The following ZC3H12B variants were observed in gnomAD, a reference collection of about 807,000 sequenced individuals.
ZC3H12B encodes probable ribonuclease ZC3H12B.
A neutral mutation model predicts 43.9 loss-of-function variants in ZC3H12B; 7 were observed. The ratio of observed to expected loss-of-function variants is 0.16; its 90% CI spans 0.09 to 0.30. ZC3H12B has a LOEUF of 0.30. ZC3H12B is among the 10% of genes least tolerant of loss of function. ZC3H12B has a pLI of 1.00. For synonymous variants in ZC3H12B, 222 were observed against 241.7 expected (o/e 0.92, Z 0.76); for missense variants, 475 against 670.2 (o/e 0.71, Z 3.22).
the ZC3H12B span, among the ~76,000 whole-genome samples, chrX:65,142,615 G>T: frequency 8.9e-6 from 1 of 112,433 alleles, no homozygotes; most frequent in Non-Finnish European, 1.9e-5. Flanking sequence ...CTATCTTCCA[G>T]AATTTTTACA....
At chrX:65,124,786 G>A in the ZC3H12B span, among the ~76,000 whole-genome samples, 3 of 110,657 alleles carry the variant, frequency 2.7e-5, no homozygotes, top group Non-Finnish European at 5.7e-5. Flanking sequence ...GGTGTTAATA[G>A]TAGCCTTCAA....
At chrX:65,128,961 G>A in the ZC3H12B span, among the ~76,000 whole-genome samples, 4 of 110,764 alleles carry the variant, frequency 3.6e-5, no homozygotes, top group African/African-American at 1.3e-4. Context: ...CCTGTAGGTG[G>A]CATATTGTTA....
chrX:65,445,775 A>T (rs1049083247), intron 3 of ZC3H12B, among the ~76,000 whole-genome samples: 4 of 112,570 alleles, frequency 3.6e-5, no homozygotes, highest in Non-Finnish European at 7.5e-5. Flanking sequence ...TGGGTCTAGA[A>T]ATGCTGTCTG....
the ZC3H12B span, among the ~76,000 whole-genome samples, chrX:65,189,520 T>A: frequency 1.8e-5 from 2 of 108,887 alleles, no homozygotes; most frequent in Non-Finnish European, 3.8e-5. Flanking sequence ...CTCATAGTGG[T>A]TTTGATTTGC....
chrX:65,229,386 A>C, the ZC3H12B span, among the ~76,000 whole-genome samples: 2 of 109,125 alleles, frequency 1.8e-5, no homozygotes, highest in East Asian at 5.8e-4. Flanking sequence ...AATCAATTCA[A>C]GATGGATTAA....
At chrX:65,080,833 A>G in the ZC3H12B span, among the ~76,000 whole-genome samples, 1 of 112,007 alleles carries the variant, frequency 8.9e-6, no homozygotes, top group East Asian at 2.8e-4. Context: ...ACAGAATATT[A>G]TAACATGTCA....
the ZC3H12B span, among the ~76,000 whole-genome samples, chrX:65,155,358 G>A: frequency 9.1e-6 from 1 of 110,306 alleles, no homozygotes; most frequent in African/African-American, 3.3e-5. Flanking sequence ...CCCGTGCTTT[G>A]ATCTGCTAAT....
At chrX:65,302,588 AT>A in the ZC3H12B span, among the ~76,000 whole-genome samples, 1 of 112,130 alleles carries the variant, frequency 8.9e-6, no homozygotes, top group Non-Finnish European at 1.9e-5. Flanking sequence ...TTCATTGCAA[AT>A]TATTCTATAG....
chrX:65,220,390 T>A, the ZC3H12B span, among the ~76,000 whole-genome samples: 1 of 111,695 alleles, frequency 9.0e-6, no homozygotes, highest in African/African-American at 3.2e-5. Flanking sequence ...CCTAAATGCT[T>A]CACTTAAAAG....
rs766217215 is a variant in ZC3H12B, at chrX:65,373,756, G to C, written n.295+4758G>C. ...GGGCCTGTTGTGGGGTGGTGGGAGG[G>C]GGGAGGGATAGCATTAGGAGATATA... On this transcript the variant is annotated intron_variant and non_coding_transcript_variant, in intron 2 of 5. Coordinates refer to the ZC3H12B transcript ENST00000617377. Among the ~76,000 whole-genome samples, 539 of 91,968 alleles carry C rather than the reference G, an allele frequency of 5.9e-3. 5 individuals carry two copies. Among genetic ancestry groups the C allele is most frequent in the Middle Eastern group, 0.011 (2 of 181 alleles). 79.9% of individuals were successfully genotyped at this position (91,968 alleles called of 115,157 possible). A position where few individuals can be genotyped will look rare whatever the true frequency, so the allele number is the denominator to read the frequency against.
chrX:65,172,801 A>G, the ZC3H12B span, among the ~76,000 whole-genome samples: 1 of 112,043 alleles, frequency 8.9e-6, no homozygotes. Context: ...TTTTGGTACG[A>G]GTAGCATGCT....
the ZC3H12B span, among the ~76,000 whole-genome samples, chrX:65,346,854 A>G: frequency 3.7e-4 from 41 of 112,210 alleles, no homozygotes; most frequent in East Asian, 7.9e-3. Context: ...CACCTGGGGA[A>G]TGGGGCGGCT....
At chrX:65,344,950 A>G in the ZC3H12B span, among the ~76,000 whole-genome samples, 2 of 112,538 alleles carry the variant, frequency 1.8e-5, no homozygotes, top group South Asian at 7.4e-4. Context: ...CATATGAGGA[A>G]AAGCTCAACA....
chrX:65,410,068 C>G (rs1259124529), intron 3 of ZC3H12B, among the ~76,000 whole-genome samples: 1 of 98,445 alleles, frequency 1.0e-5, no homozygotes, highest in Admixed American at 1.2e-4. Context: ...TATTACAGAG[C>G]TATAGTAATC....
intron 3 of ZC3H12B, among the ~76,000 whole-genome samples, chrX:65,412,151 A>G (rs2066911213): frequency 9.0e-6 from 1 of 111,041 alleles, no homozygotes; most frequent in African/African-American, 3.3e-5. Context: ...TCAATTCCCC[A>G]ATGCCCTTAG....
At chrX:65,442,923 G>C (rs746939076) in intron 3 of ZC3H12B, among the ~76,000 whole-genome samples, 2 of 110,964 alleles carry the variant, frequency 1.8e-5, no homozygotes, top group Non-Finnish European at 3.8e-5. Flanking sequence ...GCCATCGCTC[G>C]AGGCGCTGCT....
the ZC3H12B span, among the ~76,000 whole-genome samples, chrX:65,201,247 G>A: frequency 9.0e-6 from 1 of 110,995 alleles, no homozygotes; most frequent in Non-Finnish European, 1.9e-5. Flanking sequence ...GTCTATTTAG[G>A]GATTCAATCT....
At position 65,454,991 on chromosome X, in the gene ZC3H12B, C is replaced by A. The variant is rs1437518945; in HGVS notation, n.408-33655C>A. The stretch of plus-strand genomic sequence containing the variant: ...AACCCCACCTGTACATTACCATCAT[C>A]AAAGACCAAAGTAGATAAAACCACA... On this transcript the variant is annotated intron_variant and non_coding_transcript_variant, in intron 3 of 5. Coordinates refer to the ZC3H12B transcript ENST00000617377. Among the ~76,000 whole-genome samples, 3 of 111,781 alleles carry A rather than the reference C, an allele frequency of 2.7e-5. No homozygotes were observed. In the Admixed American group the frequency reaches 2.9e-4, roughly 11 times the overall value.
intron 3 of ZC3H12B, among the ~76,000 whole-genome samples, chrX:65,448,779 C>T (rs1285184212): frequency 9.5e-6 from 1 of 105,387 alleles, no homozygotes; most frequent in Non-Finnish European, 1.9e-5. Context: ...ATTCACACCA[C>T]TGCACTCCAG....
Sources: gnomAD v4.1 joint callset for allele counts (sites outside exome capture counted in the v4.1 genomes callset) on GRCh38, gnomAD v4.1.1 for gene constraint, MANE v1.5 for transcripts, NCBI Gene and HGNC (gene_info 2026-07-23, HGNC 2026-07-21) for gene names.